Variants in TCOF1 observed in about 807,000 individuals in gnomAD.
TCOF1 encodes the protein treacle protein.
In TCOF1, 33 loss-of-function variants were observed where a neutral mutation model predicts 149.0. The observed-to-expected ratio is 0.22, with a 90% CI of 0.17 to 0.30. The LOEUF (loss-of-function observed/expected upper bound fraction) is 0.30. Among genes scored for constraint, TCOF1 ranks in the 10% least tolerant of loss-of-function variants. TCOF1 has a pLI of 1.00. For synonymous variants in TCOF1, 789 were observed against 738.8 expected (o/e 1.07, Z -1.10); for missense variants, 1,728 against 1,840.7 (o/e 0.94, Z 1.12).
rs778883496 is a variant in TCOF1 at position 150,374,846 on chromosome 5, T to G, written c.1278+35T>G. On this transcript the variant is annotated intron_variant, in intron 9 of 26. Transcript: ENST00000643257. ...AGGGGAGGGGTGGAGAGTAGCCCCA[T>G]GCCTAAACCCCAGCACCTGCATGGG... 6.2e-6 allele frequency: 10 copies of G among 1,605,960 alleles called. No homozygotes were observed. In the Admixed American group the frequency reaches 1.5e-4, roughly 25 times the overall value.
At position 150,398,368 on chromosome 5, in the gene TCOF1, G is replaced by C. The variant is rs369642034; in HGVS notation, c.4360G>C (p.Glu1454Gln). The C allele has an allele frequency of 6.2e-7, 1 of 1,612,188 alleles. No homozygotes were observed. The highest frequency in any genetic ancestry group is 1.3e-5 in the African/African-American group (1 of 74,426). The change falls in exon 25 of 27, where the codon GAA becomes CAA. Residue 1454 changes from glutamate to glutamine, a missense_variant. Glu to Gln is a conservative substitution (Grantham distance 29, BLOSUM62 2). Around this residue, in one of 2 missense-constraint regions of TCOF1, gnomAD observed 1,696 missense variants for 1,765.4 expected, o/e 0.96. Transcript: ENST00000643257. ...ACTTCCCTTAGGAAAAAAAGACAAA[G>C]AAAAAAAAGAAAAGAAGAAGAAAGC... ...KKSDKRKKDK[E>Q]KKEKKKKAKK...
At chr5:150,378,707 G>C (rs1764359807) in intron 14 of TCOF1, 198 bp from the exon 15 acceptor site, 4 of 670,782 alleles carry the variant, frequency 6.0e-6, no homozygotes, top group Admixed American at 2.6e-5. Flanking sequence ...ACCCGTAGGT[G>C]GGCCTTATTA....
At chr5:150,397,960 T>C (rs1028378669) in intron 24 of TCOF1, among the ~76,000 whole-genome samples, 4 of 152,142 alleles carry the variant, frequency 2.6e-5, no homozygotes, top group African/African-American at 9.7e-5. Context: ...TCTTGCTCTG[T>C]CACCCAGGCT....
At chr5:150,360,512 C>T (rs554063416) in intron 1 of TCOF1, among the ~76,000 whole-genome samples, 1 of 152,094 alleles carries the variant, frequency 6.6e-6, no homozygotes, top group Non-Finnish European at 1.5e-5. Flanking sequence ...TTTTAAAGGT[C>T]AAAGGTGGGG....
chr5:150,392,273 T>A, intron 21 of TCOF1, 97 bp downstream of exon 21: 1 of 1,270,088 alleles, frequency 7.9e-7, no homozygotes, highest in Non-Finnish European at 1.1e-6. Context: ...TATCTCAGAC[T>A]CATTCTGCAC....
rs191623597 is a variant in TCOF1, at chr5:150,399,004, G to A, written c.4444-18G>A. ...AAAGCTGCAGGTCTGAGAGCCTCTC[G>A]TACTTCCCTCCTCACAGAAGAAGAC... On this transcript the variant is annotated intron_variant, in intron 25 of 26. Transcript: ENST00000643257. The A allele has an allele frequency of 8.1e-4, 1,312 of 1,614,222 alleles. 7 individuals carry two copies. The highest frequency in any genetic ancestry group is 1.7e-4 in the Non-Finnish European group (200 of 1,180,032).
Position 150,357,738 on chromosome 5 carries a change from G to C in TCOF1, c.-9G>C. 6.5e-7 allele frequency: 1 copy of C among 1,548,190 alleles called. No individual in the cohort carries two copies. The highest frequency in any genetic ancestry group is 1.2e-5 in the South Asian group (1 of 84,000). On this transcript the variant is annotated 5_prime_UTR_variant, in exon 1 of 27. Coordinates refer to ENST00000643257, the MANE Select transcript of TCOF1 (RefSeq NM_001371623.1). ...CGTGCAGGTAGCCGGCCGGCCGGGG[G>C]TCGCGGGTATGGCCGAGGCCAGGAA...
Position 150,376,535 on chromosome 5 carries a change from C to G in TCOF1, c.2255C>G (p.Thr752Ser). Reference sequence around the variant, plus strand: ...CCTGGGAAGACGGGGCCTACAGTCACCCAGGTGAAAGCTGAAAAGCAGGAA... The same window carrying G: ...CCTGGGAAGACGGGGCCTACAGTCAGCCAGGTGAAAGCTGAAAAGCAGGAA... Reference protein sequence around the residue: ...VLPGKTGPTVTQVKAEKQEDS... With the variant: ...VLPGKTGPTVSQVKAEKQEDS... Residue 752 changes from threonine (T) to serine (S), a missense_variant, in exon 14 of 27, where the codon ACC becomes AGC. Thr to Ser is a moderately conservative substitution (Grantham distance 58, BLOSUM62 1). Coordinates refer to ENST00000643257, the MANE Select transcript of TCOF1 (RefSeq NM_001371623.1). 6.2e-7 allele frequency: 1 copy of G among 1,610,134 alleles called. No homozygotes were observed. The highest frequency in any genetic ancestry group is 1.7e-5 in the Admixed American group (1 of 59,150).
At chr5:150,375,968 C>T (rs1763698895) in intron 12 of TCOF1, 59 bp downstream of exon 12, 1 of 1,613,752 alleles carries the variant, frequency 6.2e-7, no homozygotes, top group African/African-American at 1.3e-5. Context: ...CAGTCAGCAC[C>T]CCCGGGGAGC....
Position 150,361,174 on chromosome 5 carries a change from C to T in TCOF1, c.127C>T (p.Pro43Ser). ...TCTGCAGAAGTGTTTCCTGGCTCAG[C>T]CCGTAACCCTTCTGGACATCTATAC... The part of the protein sequence containing the change: ...QSGQKCFLAQ[P>S]VTLLDIYTHW... The change falls in exon 2 of 27, where the codon CCC (proline) becomes TCC (serine). Residue 43 changes from proline (P) to serine (S), a missense_variant. Physicochemically the swap from Pro to Ser is moderately conservative, Grantham distance 74 (BLOSUM62 -1). This residue lies in a region of TCOF1 where 32 missense variants were observed against 75.3 expected (regional missense o/e 0.43). Transcript: ENST00000643257. 6.2e-7 allele frequency: 1 copy of T among 1,614,158 alleles called. No individual in the cohort carries two copies. Among genetic ancestry groups the T allele is most frequent in the South Asian group, 1.1e-5 (1 of 91,082 alleles).
At position 150,390,004 on chromosome 5, in the gene TCOF1, A is replaced by G; in HGVS notation, c.3164A>G (p.Gln1055Arg). 2 of 1,610,372 alleles carry G rather than the reference A, an allele frequency of 1.2e-6. No homozygotes were observed. Among genetic ancestry groups the G allele is most frequent in the East Asian group, 2.2e-5 (1 of 44,602 alleles). Reference sequence around the variant, plus strand: ...AGTCGGATATCAGATGGCAAGAAACAGGAGGGACCAGCCACTCAGGTACCT... The same window carrying G: ...AGTCGGATATCAGATGGCAAGAAACGGGAGGGACCAGCCACTCAGGTACCT... ...ESSRISDGKKQEGPATQVSKK... is the reference protein window; with the variant it reads ...ESSRISDGKKREGPATQVSKK... The change falls in exon 19 of 27, where the codon CAG becomes CGG. Residue 1055 changes from glutamine to arginine, a missense_variant. Gln to Arg is a conservative substitution (Grantham distance 43, BLOSUM62 1). Around this residue, in one of 2 missense-constraint regions of TCOF1, gnomAD observed 1,696 missense variants for 1,765.4 expected, o/e 0.96. Transcript: ENST00000643257.
At chr5:150,389,010 G>A (rs1766845687) in intron 18 of TCOF1, among the ~76,000 whole-genome samples, 1 of 152,040 alleles carries the variant, frequency 6.6e-6, no homozygotes, top group Non-Finnish European at 1.5e-5. Context: ...GAAGGCCAAG[G>A]TAGGAAGATC....
intron 24 of TCOF1, 137 bp from the exon 25 acceptor site, chr5:150,398,217 C>T: frequency 6.4e-7 from 1 of 1,555,416 alleles, no homozygotes; most frequent in Non-Finnish European, 8.7e-7. Context: ...CCTCCACGCC[C>T]CGCCCTGCTG....
chr5:150,397,153 C>T (rs868374594), intron 24 of TCOF1, among the ~76,000 whole-genome samples: 2 of 88,710 alleles, frequency 2.3e-5, no homozygotes, highest in African/African-American at 4.5e-5. Context: ...GCAAGACTGT[C>T]AAAAAAAAAA....
chr5:150,375,598 C>T, intron 11 of TCOF1, 44 bp downstream of exon 11: 2 of 1,613,438 alleles, frequency 1.2e-6, no homozygotes, highest in Non-Finnish European at 1.7e-6. Flanking sequence ...CCCCCCCACT[C>T]AGAGTGGAGC....
chr5:150,397,944 A>G (rs1004161050), intron 24 of TCOF1, among the ~76,000 whole-genome samples: 2 of 152,016 alleles, frequency 1.3e-5, no homozygotes, highest in Non-Finnish European at 2.9e-5. Flanking sequence ...ATTTTTTGAG[A>G]CAGGGTCTTG....
At position 150,390,503 on chromosome 5, in the gene TCOF1, C is replaced by A. The variant is rs919961164; in HGVS notation, c.3183+480C>A. Among the ~76,000 whole-genome samples the A allele has an allele frequency of 7.2e-5, 11 of 152,306 alleles. No homozygotes were observed. The East Asian group carries it at 2.1e-3, about 29-fold the overall frequency. On this transcript the variant is annotated intron_variant, in intron 19 of 26. Transcript: ENST00000643257. The stretch of plus-strand genomic sequence containing the variant: ...TCATAAAACTTAGCACACATCCCCA[C>A]CCCAAGGGCTGCGATGTGACCAGCA...
chr5:150,373,418 C>A (rs1762982495), intron 7 of TCOF1, among the ~76,000 whole-genome samples: 1 of 152,206 alleles, frequency 6.6e-6, no homozygotes, highest in African/African-American at 2.4e-5. Context: ...CCAAGCAAGA[C>A]CTGTGTGGAG....
chr5:150,372,609 G>A (rs1485203123), intron 7 of TCOF1, among the ~76,000 whole-genome samples: 1 of 152,190 alleles, frequency 6.6e-6, no homozygotes, highest in African/African-American at 2.4e-5. Context: ...GAGTGGGCAG[G>A]GCTGCAGCCC....
Sources: allele counts gnomAD v4.1 joint callset (sites outside exome capture counted in the v4.1 genomes callset), GRCh38; gene constraint gnomAD v4.1.1; regional missense constraint gnomAD v4.1.1; transcripts MANE v1.5; gene names NCBI Gene and HGNC (gene_info 2026-07-23, HGNC 2026-07-21).